ALDH1A1: variants seen among roughly 807,000 people sequenced by gnomAD.
ALDH1A1 encodes the protein aldehyde dehydrogenase 1A1.
ALDH1A1 carries 19 observed loss-of-function variants against 62.1 expected under a neutral mutation model. That is an observed-to-expected ratio of 0.31 (90% CI 0.21 to 0.45). The LOEUF (loss-of-function observed/expected upper bound fraction) is 0.45. Ranked by LOEUF, ALDH1A1 falls within the 20% of genes least tolerant of loss-of-function variation. ALDH1A1 has a pLI of 1.00. For synonymous variants in ALDH1A1, 231 were observed against 215.9 expected, an observed-to-expected ratio of 1.07 and a Z score of -0.61; for missense variants, 521 against 607.1, an observed-to-expected ratio of 0.86 and a Z score of 1.49.
chr9:72,948,046 C>A (rs1014504635), intron 1 of ALDH1A1, among the ~76,000 whole-genome samples: 1 of 151,932 alleles, frequency 6.6e-6, no homozygotes, highest in Non-Finnish European at 1.5e-5. Flanking sequence ...TCACTTAATT[C>A]TCACAGCCAC....
At chr9:72,921,846 T>C (rs1171134480) in intron 7 of ALDH1A1, among the ~76,000 whole-genome samples, 1 of 152,092 alleles carries the variant, frequency 6.6e-6, no homozygotes, top group Non-Finnish European at 1.5e-5. Context: ...ACTGTTATTA[T>C]ATGTGGTGGA....
At position 72,924,164 on chromosome 9, in the gene ALDH1A1, T is replaced by A. The variant is rs1446762517; in HGVS notation, c.634-32A>T. On this transcript the variant is annotated intron_variant, in intron 6 of 12. Coordinates refer to ENST00000297785, the MANE Select transcript of ALDH1A1 (RefSeq NM_000689.5). ...GATAAAAAGTTTAAAAGTTACAGTATAAGAATTTAATTCAAAAAGGAGGAG... is the reference window on the plus strand; with the variant it reads ...GATAAAAAGTTTAAAAGTTACAGTAAAAGAATTTAATTCAAAAAGGAGGAG... 6 of 1,467,286 alleles carry A rather than the reference T, an allele frequency of 4.1e-6. No individual in the cohort carries two copies. The African/African-American group carries it at 5.6e-5, about 14-fold the overall frequency. 90.9% of individuals were successfully genotyped at this position (1,467,286 alleles called of 1,614,324 possible). A position where few individuals can be genotyped will look rare whatever the true frequency, so the allele number is the denominator to read the frequency against.
chr9:72,941,339 T>C (rs192505403), intron 1 of ALDH1A1, among the ~76,000 whole-genome samples: 2 of 152,312 alleles, frequency 1.3e-5, no homozygotes, highest in Admixed American at 1.3e-4. Flanking sequence ...TACTTATTTA[T>C]TAAAAATTCC....
chr9:72,925,364 C>T (rs1030697817), intron 6 of ALDH1A1, 120 bp downstream of exon 6: 7 of 1,156,260 alleles, frequency 6.1e-6, no homozygotes, highest in Non-Finnish European at 7.2e-6. Flanking sequence ...AAATGTATTC[C>T]CCCCACTGGA....
chr9:72,932,727 CT>C (rs1371093712), intron 2 of ALDH1A1, among the ~76,000 whole-genome samples: 7 of 152,180 alleles, frequency 4.6e-5, no homozygotes, highest in Non-Finnish European at 8.8e-5. Flanking sequence ...CACGTTCTAA[CT>C]TTTTCCTAAA....
At chr9:72,915,795 G>T (rs541939003) in intron 9 of ALDH1A1, among the ~76,000 whole-genome samples, 1 of 152,158 alleles carries the variant, frequency 6.6e-6, no homozygotes, top group African/African-American at 2.4e-5. Flanking sequence ...AGTCCTCTTT[G>T]TTCTTTTTGG....
chr9:72,916,112 TG>T (rs1830059485), intron 9 of ALDH1A1, among the ~76,000 whole-genome samples: 1 of 152,128 alleles, frequency 6.6e-6, no homozygotes, highest in African/African-American at 2.4e-5. Flanking sequence ...ACTAGATGCC[TG>T]TAGAGCCACC....
chr9:72,911,847 T>A, intron 10 of ALDH1A1, 111 bp downstream of exon 10: 1 of 1,245,854 alleles, frequency 8.0e-7, no homozygotes, highest in Non-Finnish European at 1.2e-6. Flanking sequence ...AGAGTAAGGT[T>A]TAGAGGGAAA....
chr9:72,928,935 A>G lies in ALDH1A1; in HGVS notation c.399T>C (p.Cys133=). The G allele has an allele frequency of 1.2e-6, 2 of 1,614,012 alleles. No individual in the cohort carries two copies. Among genetic ancestry groups the G allele is most frequent in the Non-Finnish European group, 1.7e-6 (2 of 1,179,944 alleles). Residue 133 remains cysteine (C), a synonymous_variant, in exon 4 of 13, where the codon TGT becomes TGC. Coordinates refer to ENST00000297785, the MANE Select transcript of ALDH1A1 (RefSeq NM_000689.5). ...LAGCIKTLRY[C]AGWADKIQGR... ...CCTGGATCTTGTCAGCCCAACCTGC[A>G]CAGTAGCGCAATGTTTTGATGCAGC...
intron 1 of ALDH1A1, among the ~76,000 whole-genome samples, chr9:72,946,907 C>A (rs1830482667): frequency 6.6e-6 from 1 of 151,876 alleles, no homozygotes; most frequent in Admixed American, 6.6e-5. Flanking sequence ...GGTTGGTCTT[C>A]AAATGAGTTA....
chr9:72,916,124 G>A (rs982529190), intron 9 of ALDH1A1, among the ~76,000 whole-genome samples: 6 of 152,044 alleles, frequency 3.9e-5, no homozygotes, highest in Admixed American at 2.6e-4. Context: ...TAGAGCCACC[G>A]CTTCTCACCA....
Position 72,919,656 on chromosome 9 carries a change from T to C in ALDH1A1, c.748-834A>G, listed in dbSNP as rs997043392. ...CGTATCACTGCATACCTCTCCTCATTAGTATCTATGACAGAAGGCTCATTT... is the reference window on the plus strand; with the variant it reads ...CGTATCACTGCATACCTCTCCTCATCAGTATCTATGACAGAAGGCTCATTT... On this transcript the variant is annotated intron_variant, in intron 7 of 12. Transcript: ENST00000297785. 2.6e-5 allele frequency among the ~76,000 whole-genome samples: 4 copies of C among 152,326 alleles called. No homozygotes were observed. In the South Asian group the frequency reaches 8.3e-4, roughly 32 times the overall value.
chr9:72,947,458 C>A (rs1208536296), intron 1 of ALDH1A1, among the ~76,000 whole-genome samples: 2 of 151,948 alleles, frequency 1.3e-5, no homozygotes, highest in Non-Finnish European at 2.9e-5. Flanking sequence ...GTTAAGAACA[C>A]AGAATCTCAG....
intron 2 of ALDH1A1, among the ~76,000 whole-genome samples, chr9:72,933,523 G>A (rs1830309144): frequency 6.8e-6 from 1 of 146,606 alleles, no homozygotes; most frequent in Non-Finnish European, 1.5e-5. Flanking sequence ...AGAGGTGCAG[G>A]TTGCAGTGAG....
At position 72,909,590 on chromosome 9, in the gene ALDH1A1, G is replaced by T. The variant is rs970965436; in HGVS notation, c.1358+12C>A. The stretch of plus-strand genomic sequence containing the variant: ...ATTACTGAAAAGGCTACATTCCTTA[G>T]GTTGGACTTACCACACTGTTCCTGC... On this transcript the variant is annotated intron_variant, in intron 11 of 12. Transcript: ENST00000297785. 1 of 1,603,986 alleles carries T rather than the reference G, an allele frequency of 6.2e-7. No individual in the cohort carries two copies.
intron 2 of ALDH1A1, among the ~76,000 whole-genome samples, chr9:72,938,155 G>A (rs1830367948): frequency 6.6e-6 from 1 of 152,054 alleles, no homozygotes; most frequent in Non-Finnish European, 1.5e-5. Flanking sequence ...ACATGTGATC[G>A]CTATAATTAA....
intron 12 of ALDH1A1, among the ~76,000 whole-genome samples, chr9:72,904,068 C>T (rs1829842033): frequency 1.3e-5 from 2 of 152,040 alleles, no homozygotes; most frequent in African/African-American, 4.8e-5. Context: ...TTAACTCCCA[C>T]AAGAACTCTC....
intron 7 of ALDH1A1, among the ~76,000 whole-genome samples, chr9:72,921,202 A>T (rs1057139907): frequency 4.7e-5 from 7 of 150,382 alleles, no homozygotes; most frequent in African/African-American, 1.7e-4. Context: ...AGATCACGCC[A>T]CTGCACTCCA....
At chr9:72,901,854 TTA>T (rs1829807601) in intron 12 of ALDH1A1, among the ~76,000 whole-genome samples, 1 of 152,084 alleles carries the variant, frequency 6.6e-6, no homozygotes. Context: ...GGTTTCATTT[TTA>T]GTCTGAGGTG....
Sources: gnomAD v4.1 joint callset for allele counts (sites outside exome capture counted in the v4.1 genomes callset) on GRCh38, gnomAD v4.1.1 for gene constraint, MANE v1.5 for transcripts, NCBI Gene and HGNC (gene_info 2026-07-23, HGNC 2026-07-21) for gene names.